FCHO1: variants seen among roughly 807,000 people sequenced by gnomAD.
FCHO1 encodes the protein FCH and mu domain containing endocytic adaptor 1, also known as F-BAR domain only protein 1.
FCHO1 carries 45 observed loss-of-function variants against 114.4 expected under a neutral mutation model. The ratio of observed to expected loss-of-function variants is 0.39; its 90% CI spans 0.31 to 0.50. The LOEUF (loss-of-function observed/expected upper bound fraction) is 0.50, where lower values mean the gene tolerates loss of function less well. Ranked by LOEUF, FCHO1 falls within the 20% of genes least tolerant of loss-of-function variation. FCHO1 has a pLI of 0.77. For synonymous variants in FCHO1, 480 were observed against 488.9 expected (o/e 0.98, Z 0.24); for missense variants, 1,042 against 1,209.6 (o/e 0.86, Z 2.06).
chr19:17,750,453 A>G (rs746130159), upstream of FCHO1, among the ~76,000 whole-genome samples: 17 of 152,116 alleles, frequency 1.1e-4, no homozygotes, highest in Non-Finnish European at 2.1e-4. Flanking sequence ...GTTGTAAAAT[A>G]CAGTTTTGTT....
At position 17,784,702 on chromosome 19, in the gene FCHO1, T is replaced by G. The variant is rs1169449832; in HGVS notation, c.2227-23T>G. 1 of 1,611,534 alleles carries G rather than the reference T, an allele frequency of 6.2e-7. No homozygotes were observed. On this transcript the variant is annotated intron_variant, in intron 25 of 28. Coordinates refer to ENST00000596536, the MANE Select transcript of FCHO1 (RefSeq NM_015122.3). This position sits in a 1 kb window ranked among gnomAD's most constrained non-coding sequence, Gnocchi z 5.3. Reference sequence around the variant, plus strand: ...ACAGGATGGCCCAAGCTGTGTCCTCTCTCTCATTCTCATTCTTCCTAGTTC... The same window carrying G: ...ACAGGATGGCCCAAGCTGTGTCCTCGCTCTCATTCTCATTCTTCCTAGTTC...
chr19:17,786,101 A>G (rs1164388227), intron 26 of FCHO1, among the ~76,000 whole-genome samples: 1 of 152,200 alleles, frequency 6.6e-6, no homozygotes, highest in African/African-American at 2.4e-5. Flanking sequence ...TGGAAGGCCA[A>G]GGCAGGTGGA....
At chr19:17,774,513 T>A in intron 13 of FCHO1, 35 bp downstream of exon 13, 1 of 1,566,936 alleles carries the variant, frequency 6.4e-7, no homozygotes, top group Non-Finnish European at 8.8e-7. Context: ...TGGCCCAGGC[T>A]AGACCGAGAT....
At chr19:17,763,621 G>T (rs2087416356) in intron 5 of FCHO1, among the ~76,000 whole-genome samples, 1 of 127,374 alleles carries the variant, frequency 7.9e-6, no homozygotes, top group African/African-American at 3.0e-5. Context: ...AGGGTGATCT[G>T]ATCATAGCTC....
At chr19:17,778,474 CCT>C in intron 19 of FCHO1, 133 bp from the exon 20 acceptor site, 2 of 1,027,090 alleles carry the variant, frequency 1.9e-6, no homozygotes, top group Non-Finnish European at 1.4e-6. Context: ...GAAGGTGTAG[CCT>C]TGGGGGCGTG....
At chr19:17,756,106 C>G (rs896054975) in intron 4 of FCHO1, among the ~76,000 whole-genome samples, 1 of 152,168 alleles carries the variant, frequency 6.6e-6, no homozygotes, top group East Asian at 1.9e-4. Flanking sequence ...TGTTGCTAGG[C>G]GACTGGTTGC....
chr19:17,764,295 C>A, intron 5 of FCHO1, 80 bp from the exon 6 acceptor site: 1 of 1,403,726 alleles, frequency 7.1e-7, no homozygotes, highest in Non-Finnish European at 1.0e-6. Context: ...TCCGCCTCGG[C>A]CTCCCAGAGT....
At chr19:17,750,428 C>G (rs1234694719), upstream of FCHO1, among the ~76,000 whole-genome samples, 1 of 152,038 alleles carries the variant, frequency 6.6e-6, no homozygotes, top group Non-Finnish European at 1.5e-5. Context: ...ATATATTTGT[C>G]TTTATGTCAA....
rs2093687317 is a variant in FCHO1 at position 17,784,385 on chromosome 19, G to A, written c.2226+150G>A. ...ATCTGTGAGAGCCGATGAGCTGGAGGGAGTAGGCAGTGTGGGTCGGGAATG... is the reference window on the plus strand; with the variant it reads ...ATCTGTGAGAGCCGATGAGCTGGAGAGAGTAGGCAGTGTGGGTCGGGAATG... On this transcript the variant is annotated intron_variant, in intron 25 of 28. Coordinates refer to ENST00000596536, the MANE Select transcript of FCHO1 (RefSeq NM_015122.3). The surrounding 1 kb of genome is among the most constrained non-coding windows in gnomAD (Gnocchi z 5.3). 4.0e-6 allele frequency: 4 copies of A among 1,010,210 alleles called. No individual in the cohort carries two copies. In the South Asian group the frequency reaches 6.4e-5, roughly 16 times the overall value. 62.6% of individuals were successfully genotyped at this position (1,010,210 alleles called of 1,614,324 possible). A position where few individuals can be genotyped will look rare whatever the true frequency, so the allele number is the denominator to read the frequency against.
chr19:17,760,849 A>G (rs1454421094), intron 4 of FCHO1, among the ~76,000 whole-genome samples: 1 of 151,990 alleles, frequency 6.6e-6, no homozygotes, highest in African/African-American at 2.4e-5. Context: ...GGGTTTCACC[A>G]TTTTGGCCAG....
At position 17,755,116 on chromosome 19, in the gene FCHO1, A is replaced by C; in HGVS notation, c.-47-2A>C. 6.2e-7 allele frequency: 1 copy of C among 1,603,088 alleles called. No individual in the cohort carries two copies. Among genetic ancestry groups the C allele is most frequent in the South Asian group, 1.1e-5 (1 of 90,848 alleles). Reference sequence around the variant, plus strand: ...GTAGCTCAAACTTGCCTCTCTCTTCAGACAGGCACTGGACGGGGCCTGCAG... The same window carrying C: ...GTAGCTCAAACTTGCCTCTCTCTTCCGACAGGCACTGGACGGGGCCTGCAG... On this transcript the variant is annotated splice_acceptor_variant, in intron 3 of 28. Transcript: ENST00000596536. LOFTEE classifies it low-confidence loss of function (5UTR_SPLICE).
chr19:17,765,775 A>G (rs1365842602), intron 6 of FCHO1, among the ~76,000 whole-genome samples: 3 of 151,810 alleles, frequency 2.0e-5, no homozygotes, highest in Non-Finnish European at 4.4e-5. Context: ...TGGGGCAGGC[A>G]GAAGTGGAGG....
intron 19 of FCHO1, 132 bp from the exon 20 acceptor site, chr19:17,778,477 T>TGG: frequency 9.5e-7 from 1 of 1,048,644 alleles, no homozygotes; most frequent in Non-Finnish European, 1.3e-6. Context: ...GGTGTAGCCT[T>TGG]GGGGGCGTGC....
At chr19:17,777,908 A>G (rs1008866315) in intron 18 of FCHO1, among the ~76,000 whole-genome samples, 4 of 152,028 alleles carry the variant, frequency 2.6e-5, no homozygotes, top group Admixed American at 2.6e-4. Flanking sequence ...GCATGGTGGC[A>G]GGTGCCTGTA....
chr19:17,774,675 T>C (rs1168301186), intron 13 of FCHO1, 197 bp downstream of exon 13: 3 of 597,038 alleles, frequency 5.0e-6, no homozygotes, highest in Non-Finnish European at 8.9e-6. Flanking sequence ...CCCAAGCTAG[T>C]CCAGAATTCT....
rs192031477 is a variant in FCHO1, at chr19:17,775,019, C to T, written c.921-37C>T. 50 of 1,612,598 alleles carry T rather than the reference C, an allele frequency of 3.1e-5. No homozygotes were observed. The highest frequency in any genetic ancestry group is 3.1e-4 in the South Asian group (28 of 90,960). ...CTGACAGGGGGCACCAGATGGGCTG[C>T]GGAAGCTGACACCAACATCTCTTCC... On this transcript the variant is annotated intron_variant, in intron 13 of 28. Coordinates refer to ENST00000596536, the MANE Select transcript of FCHO1 (RefSeq NM_015122.3). This position sits in a 1 kb window ranked among gnomAD's most constrained non-coding sequence, Gnocchi z 5.1.
rs777912251 is a variant in FCHO1 at position 17,787,807 on chromosome 19, G to C, written c.2608G>C (p.Gly870Arg). The C allele has an allele frequency of 6.2e-7, 1 of 1,613,488 alleles. No individual in the cohort carries two copies. Among genetic ancestry groups the C allele is most frequent in the Non-Finnish European group, 8.5e-7 (1 of 1,179,874 alleles). Residue 870 changes from glycine to arginine, a missense_variant, in exon 28 of 29, where the codon GGT becomes CGT. Gly to Arg is a moderately radical substitution (Grantham distance 125). Transcript: ENST00000596536. ...CGTGGACTTGGAACTGGTGGGCAGCGGTTACCGCATGTCGCTGGTGAAGAG... is the reference window on the plus strand; with the variant it reads ...CGTGGACTTGGAACTGGTGGGCAGCCGTTACCGCATGTCGCTGGTGAAGAG... The part of the protein sequence containing the change: ...SGVDLELVGS[G>R]YRMSLVKRRF...
At position 17,774,108 on chromosome 19, in the gene FCHO1, C is replaced by A. The variant is rs1202373947; in HGVS notation, c.791-131C>A. On this transcript the variant is annotated intron_variant, in intron 11 of 28. Transcript: ENST00000596536. ...AATTTTAGCAGAGACAGGGTTTCAC[C>A]ATGGTGGCCAGGCTGGTCTTGAACT... is the stretch of plus-strand genomic sequence containing the variant. 3 of 776,014 alleles carry A rather than the reference C, an allele frequency of 3.9e-6. No individual in the cohort carries two copies. In the African/African-American group the frequency reaches 5.1e-5, roughly 13 times the overall value. 48.1% of individuals were successfully genotyped at this position (776,014 alleles called of 1,614,324 possible).
rs1425977686 is a variant in FCHO1 at position 17,775,229 on chromosome 19, T to G, written c.945+149T>G. ...CTGGGGGCTGGGTTCATATCCCACC[T>G]CAGCTGCAAAGTCCCATGGACTACG... On this transcript the variant is annotated intron_variant, in intron 14 of 28. Transcript: ENST00000596536. The surrounding 1 kb of genome is among the most constrained non-coding windows in gnomAD (Gnocchi z 5.1). 6 of 940,270 alleles carry G rather than the reference T, an allele frequency of 6.4e-6. No homozygotes were observed. In the African/African-American group the frequency reaches 9.9e-5, roughly 15 times the overall value. The allele number at this position is 940,270 out of a possible 1,614,324, so 58.2% of individuals were successfully genotyped here.
Sources: allele counts gnomAD v4.1 joint callset (sites outside exome capture counted in the v4.1 genomes callset), GRCh38; gene constraint gnomAD v4.1.1; non-coding constraint Gnocchi (gnomAD v3.1); transcripts MANE v1.5; gene names NCBI Gene and HGNC (gene_info 2026-07-23, HGNC 2026-07-21).